ADAM2: variants seen among roughly 807,000 people sequenced by gnomAD.
ADAM2 encodes the protein disintegrin and metalloproteinase domain-containing protein 2.
In ADAM2, 101 loss-of-function variants were observed where a neutral mutation model predicts 99.3. The ratio of observed to expected loss-of-function variants is 1.02; its 90% CI spans 0.87 to 1.20. The LOEUF (loss-of-function observed/expected upper bound fraction) is 1.20. ADAM2 is among the 50% of genes most tolerant of loss of function. The pLI is 0.00. For missense variants in ADAM2, 948 were observed against 878.7 expected (o/e 1.08, Z -1.00); for synonymous variants, 323 against 287.6 (o/e 1.12, Z -1.25).
chr8:39,757,093 T>C (rs1188605890), intron 15 of ADAM2, among the ~76,000 whole-genome samples: 1 of 152,150 alleles, frequency 6.6e-6, no homozygotes, highest in Non-Finnish European at 1.5e-5. Flanking sequence ...AACATCTAAT[T>C]TACAGCAAAG....
At chr8:39,771,968 T>C (rs1454958913) in intron 11 of ADAM2, among the ~76,000 whole-genome samples, 2 of 151,962 alleles carry the variant, frequency 1.3e-5, no homozygotes, top group Non-Finnish European at 2.9e-5. Context: ...TTAGGAGATA[T>C]ACCTAATGTA....
At chr8:39,766,524 C>T (rs1438798275) in intron 14 of ADAM2, among the ~76,000 whole-genome samples, 1 of 151,264 alleles carries the variant, frequency 6.6e-6, no homozygotes, top group Admixed American at 6.6e-5. Flanking sequence ...ACTGGAACCT[C>T]AGCCTCCTGA....
Position 39,752,202 on chromosome 8 carries a change from C to A in ADAM2, c.1798-2458G>T, listed in dbSNP as rs561943000. Among the ~76,000 whole-genome samples the A allele has an allele frequency of 2.2e-3, 335 of 152,262 alleles. 2 individuals are homozygous for A. The highest frequency in any genetic ancestry group is 2.4e-3 in the Non-Finnish European group (160 of 68,002). ...ACCAAGCATTTTGGATTTAAATGAT[C>A]ATTTGCACCCCCTACAACAGTGGCA... is the stretch of plus-strand genomic sequence containing the variant. On this transcript the variant is annotated intron_variant, in intron 16 of 20. Transcript: ENST00000265708.
chr8:39,767,165 G>A lies in ADAM2; in HGVS notation c.1299C>T (p.Cys433=), dbSNP rs150053966. ...AAAAAGCTCTTACTAGACAGTTTTC[G>A]CAGCATGGTCCTTCAGCACAGTTTG... is the stretch of plus-strand genomic sequence containing the variant. ...AGSNCAEGPC[C]ENCLFMSKER... Residue 433 remains cysteine (C), a synonymous_variant, in exon 13 of 21, where the codon TGC becomes TGT. Transcript: ENST00000265708. 4.6e-5 allele frequency: 74 copies of A among 1,606,074 alleles called. 1 individual carries two copies. The East Asian group carries it at 1.0e-3, about 22-fold the overall frequency.
In ADAM2 at chr8:39,767,906, A is replaced by G. The variant is rs927209491; in HGVS notation, c.1213-655T>C. Among the ~76,000 whole-genome samples the G allele has an allele frequency of 2.6e-5, 4 of 151,964 alleles. No homozygotes were observed. The East Asian group carries it at 7.7e-4, about 29-fold the overall frequency. On this transcript the variant is annotated intron_variant, in intron 12 of 20. Coordinates refer to ENST00000265708, the MANE Select transcript of ADAM2 (RefSeq NM_001464.5). ...TAAAAGACAATGCATTCACACACAC[A>G]CACACACACACACACACACTCACAT...
At chr8:39,795,922 A>G (rs1803918810) in intron 7 of ADAM2, among the ~76,000 whole-genome samples, 1 of 152,168 alleles carries the variant, frequency 6.6e-6, no homozygotes. Flanking sequence ...ATTAGGCCCA[A>G]GTTTAATGAG....
chr8:39,760,742 A>T (rs1442954410), intron 15 of ADAM2, among the ~76,000 whole-genome samples: 1 of 151,532 alleles, frequency 6.6e-6, no homozygotes, highest in Non-Finnish European at 1.5e-5. Context: ...AAAAAAATAA[A>T]AAAAAAACAC....
intron 18 of ADAM2, among the ~76,000 whole-genome samples, chr8:39,748,309 G>C (rs571321908): frequency 2.6e-5 from 4 of 152,184 alleles, no homozygotes; most frequent in Admixed American, 6.5e-5. Flanking sequence ...GAAAGGAGTG[G>C]TCTCCACTGC....
intron 15 of ADAM2, among the ~76,000 whole-genome samples, chr8:39,759,429 T>C (rs1018220142): frequency 5.9e-5 from 9 of 151,990 alleles, no homozygotes; most frequent in African/African-American, 2.2e-4. Context: ...TAGGAGTAAA[T>C]GTAAATATCT....
At chr8:39,814,191 C>G (rs1158865372) in intron 6 of ADAM2, among the ~76,000 whole-genome samples, 3 of 151,898 alleles carry the variant, frequency 2.0e-5, no homozygotes, top group Non-Finnish European at 2.9e-5. Context: ...AACCCTGTCT[C>G]TACTAAAAAT....
At chr8:39,786,904 A>T (rs1449879329) in intron 10 of ADAM2, 70 bp downstream of exon 10, 2 of 1,188,944 alleles carry the variant, frequency 1.7e-6, no homozygotes, top group Non-Finnish European at 2.4e-6. Flanking sequence ...ACACATAAAA[A>T]TTAAATATGA....
Position 39,755,596 on chromosome 8 carries a change from C to T in ADAM2, c.1797+132G>A. The T allele has an allele frequency of 1.1e-5, 7 of 619,150 alleles. No individual in the cohort carries two copies. The South Asian group carries it at 1.6e-4, about 14-fold the overall frequency. 38.4% of individuals were successfully genotyped at this position (619,150 alleles called of 1,614,324 possible). A position where few individuals can be genotyped will look rare whatever the true frequency, so the allele number is the denominator to read the frequency against. ...GGCTGAGGCAGGAGAATCACTTGAA[C>T]CTGGGTGGCAGAGGTTGCAGTGAGC... On this transcript the variant is annotated intron_variant, in intron 16 of 20. Transcript: ENST00000265708.
intron 9 of ADAM2, 29 bp downstream of exon 9, chr8:39,788,056 A>C (rs1430667124): frequency 1.5e-6 from 2 of 1,354,038 alleles, no homozygotes; most frequent in Admixed American, 2.8e-5. Context: ...TCTTCAGATA[A>C]ACTTTATATA....
chr8:39,810,125 G>C (rs537876587), intron 6 of ADAM2, among the ~76,000 whole-genome samples: 1 of 152,086 alleles, frequency 6.6e-6, no homozygotes, highest in South Asian at 2.1e-4. Flanking sequence ...AAAAAGCAGG[G>C]GTTGTAAACC....
intron 7 of ADAM2, among the ~76,000 whole-genome samples, chr8:39,796,675 C>T (rs1325409221): frequency 6.6e-6 from 1 of 152,148 alleles, no homozygotes; most frequent in Non-Finnish European, 1.5e-5. Flanking sequence ...AAAAGTGTTC[C>T]TATCTCTCCA....
At chr8:39,795,466 C>G (rs1303794753) in intron 7 of ADAM2, among the ~76,000 whole-genome samples, 1 of 152,112 alleles carries the variant, frequency 6.6e-6, no homozygotes, top group Admixed American at 6.6e-5. Context: ...TCTCCACAAC[C>G]CTTAATTGGA....
At chr8:39,760,386 A>G (rs1479554974) in intron 15 of ADAM2, among the ~76,000 whole-genome samples, 1 of 152,136 alleles carries the variant, frequency 6.6e-6, no homozygotes, top group Non-Finnish European at 1.5e-5. Flanking sequence ...TGGGATTAGG[A>G]TTTAAAATCA....
At chr8:39,777,324 G>GA in intron 10 of ADAM2, among the ~76,000 whole-genome samples, 163 bp from the exon 11 acceptor site, 1 of 152,010 alleles carries the variant, frequency 6.6e-6, no homozygotes, top group Non-Finnish European at 1.5e-5. Flanking sequence ...AGAAAATTAT[G>GA]AAAAATAAAA....
At chr8:39,802,769 G>C (rs994149916) in intron 7 of ADAM2, among the ~76,000 whole-genome samples, 1 of 152,086 alleles carries the variant, frequency 6.6e-6, no homozygotes, top group Non-Finnish European at 1.5e-5. Context: ...AAAAAAAATA[G>C]GCTTTAAGCT....
Sources: gnomAD v4.1 joint callset for allele counts (sites outside exome capture counted in the v4.1 genomes callset) on GRCh38, gnomAD v4.1.1 for gene constraint, MANE v1.5 for transcripts, NCBI Gene and HGNC (gene_info 2026-07-23, HGNC 2026-07-21) for gene names.